ASPRV1: variants seen among roughly 807,000 people sequenced by gnomAD.
ASPRV1 encodes the protein retroviral-like aspartic protease 1.
A neutral mutation model predicts 11.0 loss-of-function variants in ASPRV1; 7 were observed. The ratio of observed to expected loss-of-function variants is 0.64; its 90% CI spans 0.36 to 1.20. ASPRV1 has a LOEUF of 1.20. Ranked by LOEUF, ASPRV1 falls within the 50% of genes most tolerant of loss-of-function variation. The probability of loss-of-function intolerance (pLI) is 0.02; values close to 1 mark genes in which losing one functional copy is unlikely to be tolerated. For missense variants in ASPRV1, 299 were observed against 320.0 expected (o/e 0.93, Z 0.50); for synonymous variants, 136 against 138.4 (o/e 0.98, Z 0.12).
the ASPRV1 span, among the ~76,000 whole-genome samples, chr2:70,057,553 A>T: frequency 6.6e-6 from 1 of 150,928 alleles, no homozygotes; most frequent in African/African-American, 2.4e-5. Flanking sequence ...ATCTCGGCTC[A>T]CTGCAACCTC....
At chr2:69,982,649 G>A in the ASPRV1 span, among the ~76,000 whole-genome samples, 1 of 152,150 alleles carries the variant, frequency 6.6e-6, no homozygotes, top group Non-Finnish European at 1.5e-5. Flanking sequence ...GAGGACAGGA[G>A]GACACTGGGC....
At chr2:70,030,732 T>C in the ASPRV1 span, 1 of 152,184 alleles carries the variant, frequency 6.6e-6, no homozygotes, top group Non-Finnish European at 1.5e-5. Flanking sequence ...GTATGTGTGT[T>C]GGGAGTGTGG....
At chr2:70,021,704 G>A in the ASPRV1 span, among the ~76,000 whole-genome samples, 1 of 149,054 alleles carries the variant, frequency 6.7e-6, no homozygotes, top group African/African-American at 2.5e-5. Flanking sequence ...TACGTTAAGA[G>A]AATACTTTTT....
the ASPRV1 span, among the ~76,000 whole-genome samples, chr2:69,986,440 G>C: frequency 6.6e-6 from 1 of 152,228 alleles, no homozygotes; most frequent in Non-Finnish European, 1.5e-5. Flanking sequence ...CTGCCCTCTG[G>C]GGTAGGTCAA....
the ASPRV1 span, chr2:70,075,112 T>C: frequency 1.4e-5 from 2 of 144,476 alleles, no homozygotes; most frequent in South Asian, 4.4e-4. Flanking sequence ...CAAGATAACA[T>C]CTTTTTTTTT....
At chr2:70,054,842 C>T in the ASPRV1 span, among the ~76,000 whole-genome samples, 1 of 151,980 alleles carries the variant, frequency 6.6e-6, no homozygotes, top group Non-Finnish European at 1.5e-5. Flanking sequence ...AGTTGGGGAT[C>T]ATTCACAAGA....
At chr2:70,030,202 AAC>A in the ASPRV1 span, 1 of 152,234 alleles carries the variant, frequency 6.6e-6, no homozygotes, top group Non-Finnish European at 1.5e-5. Flanking sequence ...GGCCCTGGGA[AAC>A]ACTCCCCTAT....
At chr2:69,967,002 G>A in the ASPRV1 span, among the ~76,000 whole-genome samples, 1 of 152,154 alleles carries the variant, frequency 6.6e-6, no homozygotes, top group Non-Finnish European at 1.5e-5. Context: ...CCAGGTGGCT[G>A]GGCGCACCAT....
upstream of ASPRV1, chr2:69,961,749 G>C: frequency 6.7e-7 from 1 of 1,496,808 alleles, no homozygotes; most frequent in South Asian, 1.3e-5. Context: ...CATCCGGCCG[G>C]ACTAGCAGGA....
upstream of ASPRV1, chr2:69,962,440 C>G (rs1027928034): frequency 4.6e-5 from 7 of 152,354 alleles, no homozygotes; most frequent in African/African-American, 1.7e-4. Context: ...TCCTCTCCCA[C>G]TCCCCAAGCT....
At chr2:69,978,775 C>T in the ASPRV1 span, among the ~76,000 whole-genome samples, 1 of 152,178 alleles carries the variant, frequency 6.6e-6, no homozygotes, top group Non-Finnish European at 1.5e-5. Context: ...GCCGGGCTGC[C>T]TCAGAGGTCA....
chr2:70,022,273 C>T, the ASPRV1 span, among the ~76,000 whole-genome samples: 2 of 150,454 alleles, frequency 1.3e-5, no homozygotes, highest in Admixed American at 6.6e-5. Context: ...CCTTGGCCTC[C>T]CAAAGTGCTG....
At chr2:70,060,811 T>C in the ASPRV1 span, among the ~76,000 whole-genome samples, 1 of 152,196 alleles carries the variant, frequency 6.6e-6, no homozygotes, top group African/African-American at 2.4e-5. Context: ...AGCGAAACTC[T>C]GTCTCAATTT....
At chr2:69,993,109 G>GA in the ASPRV1 span, among the ~76,000 whole-genome samples, 2 of 152,202 alleles carry the variant, frequency 1.3e-5, no homozygotes, top group East Asian at 3.8e-4. Context: ...GAGTGGGGAG[G>GA]AATCAGGCTA....
the ASPRV1 span, among the ~76,000 whole-genome samples, chr2:69,952,546 AG>A: frequency 6.8e-6 from 1 of 148,146 alleles, no homozygotes; most frequent in Non-Finnish European, 1.5e-5. Context: ...AGAAAAGGGA[AG>A]GGAAAGGAAG....
At chr2:70,001,636 T>C in the ASPRV1 span, among the ~76,000 whole-genome samples, 1 of 152,100 alleles carries the variant, frequency 6.6e-6, no homozygotes, top group East Asian at 1.9e-4. Context: ...GGCACATACC[T>C]GTAACTCTGG....
chr2:70,017,018 T>C, the ASPRV1 span, among the ~76,000 whole-genome samples: 369 of 151,820 alleles, frequency 2.4e-3, no homozygotes, highest in Non-Finnish European at 4.3e-3. Context: ...TTACACGGAG[T>C]CTGGCTCTGT....
At chr2:70,079,575 G>A in the ASPRV1 span, among the ~76,000 whole-genome samples, 1 of 152,062 alleles carries the variant, frequency 6.6e-6, no homozygotes, top group Non-Finnish European at 1.5e-5. Context: ...GTGAGGAGAT[G>A]AAGAATAAGA....
At chr2:69,957,805 T>C (rs141650206), downstream of ASPRV1, among the ~76,000 whole-genome samples, 48 of 152,272 alleles carry the variant, frequency 3.2e-4, no homozygotes, top group Non-Finnish European at 5.7e-4. Flanking sequence ...CTGGAGGAAC[T>C]GATGTTCATG....
Sources: allele counts gnomAD v4.1 joint callset (sites outside exome capture counted in the v4.1 genomes callset), GRCh38; gene constraint gnomAD v4.1.1; transcripts MANE v1.5; gene names NCBI Gene and HGNC (gene_info 2026-07-23, HGNC 2026-07-21).